Variants in MPP7 observed in about 807,000 individuals in gnomAD.
MPP7 encodes MAGUK p55 subfamily member 7.
MPP7 carries 60 observed loss-of-function variants against 76.5 expected under a neutral mutation model. The ratio of observed to expected loss-of-function variants is 0.78; its 90% CI spans 0.64 to 0.97. The LOEUF (loss-of-function observed/expected upper bound fraction) is 0.97, where lower values mean the gene tolerates loss of function less well. Ranked by LOEUF, MPP7 falls within the 50% of genes least tolerant of loss-of-function variation. MPP7 has a pLI of 0.00. For synonymous variants in MPP7, 237 were observed against 244.5 expected, an observed-to-expected ratio of 0.97 and a Z score of 0.29; for missense variants, 641 against 694.0, an observed-to-expected ratio of 0.92 and a Z score of 0.86.
At chr10:28,094,264 G>T (rs995838556) in intron 11 of MPP7, among the ~76,000 whole-genome samples, 1 of 151,610 alleles carries the variant, frequency 6.6e-6, no homozygotes, top group Admixed American at 6.6e-5. Flanking sequence ...TGCCTTGAAC[G>T]ATATTTTACA....
At chr10:28,168,806 C>T (rs1270265624) in intron 3 of MPP7, among the ~76,000 whole-genome samples, 1 of 152,246 alleles carries the variant, frequency 6.6e-6, no homozygotes, top group Non-Finnish European at 1.5e-5. Flanking sequence ...GTGTGAGCCA[C>T]AGTGCCCAGC....
intron 11 of MPP7, among the ~76,000 whole-genome samples, chr10:28,115,684 G>T (rs556124820): frequency 6.6e-5 from 10 of 152,278 alleles, no homozygotes; most frequent in Admixed American, 4.6e-4. Flanking sequence ...TACCGGTACC[G>T]TGTGCAGTGA....
chr10:28,322,801 A>T (rs1339519583), intron 2 of MPP7, among the ~76,000 whole-genome samples: 1 of 152,188 alleles, frequency 6.6e-6, no homozygotes, highest in Middle Eastern at 3.2e-3. Flanking sequence ...TTTGTGTTAA[A>T]TTATTGATAA....
intron 15 of MPP7, chr10:28,057,512 T>C (rs1851602408): frequency 6.0e-6 from 1 of 165,874 alleles, no homozygotes; most frequent in African/African-American, 2.4e-5. Context: ...CTTTCCGCCA[T>C]GATTGCAAGT....
At chr10:28,315,097 G>A (rs559545098) in intron 2 of MPP7, among the ~76,000 whole-genome samples, 1 of 152,066 alleles carries the variant, frequency 6.6e-6, no homozygotes, top group South Asian at 2.1e-4. Context: ...GCAGCAAGCT[G>A]TGATTGCACA....
At chr10:28,307,709 C>T (rs372808245), upstream of MPP7, 9 of 152,340 alleles carry the variant, frequency 5.9e-5, no homozygotes, top group Admixed American at 4.6e-4. Context: ...TCAACACTTT[C>T]AAGCTTCATT....
intron 11 of MPP7, among the ~76,000 whole-genome samples, chr10:28,095,643 G>A (rs1853534011): frequency 1.3e-5 from 2 of 152,152 alleles, no homozygotes; most frequent in Non-Finnish European, 2.9e-5. Context: ...ACCAAAAAAT[G>A]TGACCTTAAA....
At chr10:28,292,900 A>G (rs1359740962) in intron 1 of MPP7, among the ~76,000 whole-genome samples, 1 of 151,942 alleles carries the variant, frequency 6.6e-6, no homozygotes, top group African/African-American at 2.4e-5. Flanking sequence ...GGATCTTGAC[A>G]TATGATACAG....
rs575091696 is a variant in MPP7 at position 28,236,038 on chromosome 10, C to T, written c.37+2530G>A. Among the ~76,000 whole-genome samples, 17 of 152,286 alleles carry T rather than the reference C, an allele frequency of 1.1e-4. No homozygotes were observed. In the East Asian group the frequency reaches 3.3e-3, roughly 29 times the overall value. ...TATCACTAGTAACGCACATTTCACACTTAAGATTTTATGTTTTTCCCAACA... is the reference window on the plus strand; with the variant it reads ...TATCACTAGTAACGCACATTTCACATTTAAGATTTTATGTTTTTCCCAACA... On this transcript the variant is annotated intron_variant, in intron 2 of 16. Coordinates refer to ENST00000683449, the MANE Select transcript of MPP7 (RefSeq NM_001318170.2).
intron 11 of MPP7, among the ~76,000 whole-genome samples, chr10:28,102,692 C>A (rs1564631453): frequency 6.6e-6 from 1 of 152,164 alleles, no homozygotes; most frequent in Non-Finnish European, 1.5e-5. Context: ...AAAAACCATA[C>A]ACCCATCCTT....
At chr10:28,316,765 A>G (rs1834324274) in intron 2 of MPP7, among the ~76,000 whole-genome samples, 1 of 152,228 alleles carries the variant, frequency 6.6e-6, no homozygotes, top group Admixed American at 6.5e-5. Flanking sequence ...TTGAACACTC[A>G]AGACTTGAGT....
chr10:28,267,127 G>C (rs1213964164), intron 1 of MPP7, among the ~76,000 whole-genome samples: 3 of 152,158 alleles, frequency 2.0e-5, no homozygotes, highest in Admixed American at 6.5e-5. Flanking sequence ...TTGAAACACA[G>C]CCAAGTTCAT....
At chr10:28,130,315 G>A (rs994666123) in intron 6 of MPP7, among the ~76,000 whole-genome samples, 2 of 152,092 alleles carry the variant, frequency 1.3e-5, no homozygotes. Flanking sequence ...GGAACCTGAG[G>A]CTGAGATGGT....
intron 3 of MPP7, among the ~76,000 whole-genome samples, chr10:28,157,953 G>A (rs565912120): frequency 7.9e-5 from 12 of 151,538 alleles, no homozygotes; most frequent in Admixed American, 2.6e-4. Context: ...CACCCCCATC[G>A]GTAAGGAAAT....
chr10:28,211,466 G>T (rs1276656746), intron 2 of MPP7, among the ~76,000 whole-genome samples: 6 of 151,916 alleles, frequency 3.9e-5, no homozygotes, highest in African/African-American at 1.4e-4. Context: ...TATATATAGA[G>T]AGAGAGAGAG....
chr10:28,106,893 T>C (rs992924283), intron 11 of MPP7, among the ~76,000 whole-genome samples: 2 of 152,200 alleles, frequency 1.3e-5, no homozygotes, highest in Admixed American at 6.5e-5. Flanking sequence ...ATATTTCTGA[T>C]CACCCCTTCC....
chr10:28,085,026 C>T (rs566572418), intron 12 of MPP7, among the ~76,000 whole-genome samples: 1 of 152,294 alleles, frequency 6.6e-6, no homozygotes, highest in South Asian at 2.1e-4. Flanking sequence ...CACATCTAAA[C>T]TTTCACAAAG....
chr10:28,268,642 G>C (rs1840222002), intron 1 of MPP7, among the ~76,000 whole-genome samples: 1 of 151,132 alleles, frequency 6.6e-6, no homozygotes, highest in Non-Finnish European at 1.5e-5. Flanking sequence ...TGAGGCAGAA[G>C]AATCATTTGA....
intron 13 of MPP7, among the ~76,000 whole-genome samples, chr10:28,067,981 T>C (rs998276748): frequency 1.4e-4 from 21 of 152,234 alleles, no homozygotes; most frequent in African/African-American, 5.1e-4. Context: ...ATCAACCATC[T>C]TATACTTGAC....
Sources: allele counts gnomAD v4.1 joint callset (sites outside exome capture counted in the v4.1 genomes callset), GRCh38; gene constraint gnomAD v4.1.1; transcripts MANE v1.5; gene names NCBI Gene and HGNC (gene_info 2026-07-23, HGNC 2026-07-21).